The following VCAN variants were observed in gnomAD, a reference collection of about 807,000 sequenced individuals.
VCAN encodes versican.
A neutral mutation model predicts 245.5 loss-of-function variants in VCAN; 44 were observed. The observed-to-expected ratio is 0.18, with a 90% CI of 0.14 to 0.23. The LOEUF is 0.23. VCAN is among the 10% of genes least tolerant of loss of function. The pLI, the probability that VCAN is intolerant of heterozygous loss-of-function variation, is 1.00. For missense variants in VCAN, 3,793 were observed against 4,057.9 expected, an observed-to-expected ratio of 0.93 and a Z score of 1.77; for synonymous variants, 1,413 against 1,437.0, an observed-to-expected ratio of 0.98 and a Z score of 0.38.
At chr5:83,549,610 T>A (rs1368809626) in intron 10 of VCAN, among the ~76,000 whole-genome samples, 9 of 152,296 alleles carry the variant, frequency 5.9e-5, no homozygotes, top group Non-Finnish European at 1.3e-4. Context: ...GGCAACAGAT[T>A]TTTGGAAGGG....
At chr5:83,557,443 G>A (rs1240396429) in intron 12 of VCAN, among the ~76,000 whole-genome samples, 1 of 151,914 alleles carries the variant, frequency 6.6e-6, no homozygotes, top group Non-Finnish European at 1.5e-5. Context: ...CTTCATATTG[G>A]CCTATATCTG....
At position 83,553,436 on chromosome 5, in the gene VCAN, C is replaced by A. The variant is rs1279371377; in HGVS notation, c.9566C>A (p.Thr3189Lys). 2 of 1,613,974 alleles carry A rather than the reference C, an allele frequency of 1.2e-6. No individual in the cohort carries two copies. The highest frequency in any genetic ancestry group is 2.7e-5 in the African/African-American group (2 of 74,914). The change falls in exon 11 of 15, where the codon ACA becomes AAA. Residue 3189 changes from threonine to lysine, a missense_variant. Thr to Lys is a moderately conservative substitution (Grantham distance 78). Coordinates refer to ENST00000265077, the MANE Select transcript of VCAN (RefSeq NM_004385.5). ...TACAAATACTTTGCCCATCGACGCACATGGGATGCAGCTGAACGGGAATGC... is the reference window on the plus strand; with the variant it reads ...TACAAATACTTTGCCCATCGACGCAAATGGGATGCAGCTGAACGGGAATGC... ...QCYKYFAHRR[T>K]WDAAERECRL...
Position 83,538,810 on chromosome 5 carries a change from G to A in VCAN, c.5807G>A (p.Gly1936Asp). Residue 1936 changes from glycine (G) to aspartate (D), a missense_variant, in exon 8 of 15, where the codon GGT becomes GAT. Gly to Asp is a moderately conservative substitution (Grantham distance 94). Coordinates refer to ENST00000265077, the MANE Select transcript of VCAN (RefSeq NM_004385.5). ...TTTCCTTTGGAGGAAGATTTCAGTG[G>A]TGACTTTAGAGAATACTCAACAGTG... is the stretch of plus-strand genomic sequence containing the variant. ...TGFPLEEDFS[G>D]DFREYSTVSH... 6.2e-7 allele frequency: 1 copy of A among 1,613,922 alleles called. No homozygotes were observed. The highest frequency in any genetic ancestry group is 1.7e-5 in the Admixed American group (1 of 60,000).
rs745510517 is a variant in VCAN at position 83,521,652 on chromosome 5, A to T, written c.3346A>T (p.Thr1116Ser). ...PGAVTEHKVK[T>S]DEVVTLTPRI... ...TGCTGTAACTGAGCACAAAGTGAAA[A>T]CAGATGAAGTGGTAACACTAACACC... Residue 1116 changes from threonine (T) to serine (S), a missense_variant, in exon 7 of 15, where the codon ACA becomes TCA. By Grantham distance (58) the Thr-to-Ser change is moderately conservative. Coordinates refer to ENST00000265077, the MANE Select transcript of VCAN (RefSeq NM_004385.5). The T allele has an allele frequency of 6.2e-7, 1 of 1,613,896 alleles. No homozygotes were observed. The highest frequency in any genetic ancestry group is 1.7e-5 in the Admixed American group (1 of 60,018).
intron 11 of VCAN, among the ~76,000 whole-genome samples, chr5:83,554,341 C>T (rs754204486): frequency 6.6e-6 from 1 of 152,158 alleles, no homozygotes; most frequent in African/African-American, 2.4e-5. Context: ...AATATTTTCT[C>T]GTGATGCCTA....
intron 10 of VCAN, among the ~76,000 whole-genome samples, chr5:83,550,451 AAG>A (rs1393354892): frequency 6.6e-6 from 1 of 152,234 alleles, no homozygotes; most frequent in African/African-American, 2.4e-5. Flanking sequence ...AATAAATAAA[AAG>A]AGTTTCACAT....
chr5:83,500,212 G>A (rs367571345), intron 5 of VCAN, among the ~76,000 whole-genome samples: 33 of 152,238 alleles, frequency 2.2e-4, no homozygotes, highest in African/African-American at 7.2e-4. Context: ...CTATGATTCC[G>A]CCGATGGTTA....
intron 1 of VCAN, among the ~76,000 whole-genome samples, chr5:83,474,757 C>T (rs1388381315): frequency 6.6e-6 from 1 of 152,252 alleles, no homozygotes; most frequent in African/African-American, 2.4e-5. Context: ...AGCCGAGTGG[C>T]CTCGCCCCCA....
Position 83,521,304 on chromosome 5 carries a change from C to T in VCAN, c.2998C>T (p.Pro1000Ser), listed in dbSNP as rs373991125. ...VPSEDEVLGE[P>S]SQDILVIDQT... ...ATCAGAAGATGAAGTTCTAGGTGAA[C>T]CCTCTCAAGACATACTTGTCATTGA... The change falls in exon 7 of 15, where the codon CCC becomes TCC. Residue 1000 changes from proline (P) to serine (S), a missense_variant. Around this residue, in one of 5 missense-constraint regions of VCAN, gnomAD observed 3,182 missense variants for 3,250.3 expected, o/e 0.98. Transcript: ENST00000265077. 2.5e-6 allele frequency: 4 copies of T among 1,614,060 alleles called. No individual in the cohort carries two copies. The highest frequency in any genetic ancestry group is 2.7e-5 in the African/African-American group (2 of 75,056).
rs763239170 is a variant in VCAN at position 83,542,014 on chromosome 5, TTTC to T, written c.9019_9021del (p.Ser3007del). 2.5e-6 allele frequency: 4 copies of T among 1,610,394 alleles called. No homozygotes were observed. The highest frequency in any genetic ancestry group is 1.3e-5 in the African/African-American group (1 of 74,872). ...CCACAGACTTCTGAGAGGCCCACGC[TTTC>T]TTCTTCTCCAGAAATAAACCCTGAA... is the stretch of plus-strand genomic sequence containing the variant. On this transcript the variant is annotated inframe_deletion, in exon 8 of 15. Coordinates refer to ENST00000265077, the MANE Select transcript of VCAN (RefSeq NM_004385.5).
Position 83,538,433 on chromosome 5 carries a change from C to T in VCAN, c.5430C>T (p.Ser1810=), listed in dbSNP as rs942759287. The change falls in exon 8 of 15, where the codon AGC becomes AGT. Residue 1810 remains serine (S), a synonymous_variant. Coordinates refer to ENST00000265077, the MANE Select transcript of VCAN (RefSeq NM_004385.5). ...ENLGAQTTEH[S]SIHQPGVQEG... is the part of the protein sequence containing the mutation. ...TGGGGGCACAGACCACTGAGCACAGCAGTATCCATCAACCTGGGGTTCAGG... is the reference window on the plus strand; with the variant it reads ...TGGGGGCACAGACCACTGAGCACAGTAGTATCCATCAACCTGGGGTTCAGG... The T allele has an allele frequency of 4.3e-6, 7 of 1,613,896 alleles. No homozygotes were observed. The highest frequency in any genetic ancestry group is 1.7e-5 in the Admixed American group (1 of 59,966).
chr5:83,529,163 C>A (rs1400652026), intron 7 of VCAN, among the ~76,000 whole-genome samples: 1 of 150,936 alleles, frequency 6.6e-6, no homozygotes, highest in African/African-American at 2.4e-5. Flanking sequence ...TATTCTGAAC[C>A]AACATGGAGA....
chr5:83,517,197 T>A, intron 6 of VCAN, among the ~76,000 whole-genome samples: 1 of 152,158 alleles, frequency 6.6e-6, no homozygotes, highest in East Asian at 1.9e-4. Context: ...GTTATTTAGT[T>A]TTAAAAATAT....
chr5:83,512,035 A>G lies in VCAN; in HGVS notation c.749-68A>G, dbSNP rs1427017287. The G allele has an allele frequency of 3.7e-6, 6 of 1,600,016 alleles. No individual in the cohort carries two copies. The African/African-American group carries it at 5.4e-5, about 14-fold the overall frequency. ...ATGCTCCTCCAATTCCTTCCCCACC[A>G]TATTTATCCAACAGGAAAGGAATGA... On this transcript the variant is annotated intron_variant, in intron 5 of 14. Coordinates refer to ENST00000265077, the MANE Select transcript of VCAN (RefSeq NM_004385.5).
Position 83,520,387 on chromosome 5 carries a change from T to A in VCAN, c.2081T>A (p.Met694Lys), listed in dbSNP as rs781418554. The A allele has an allele frequency of 1.2e-6, 2 of 1,612,828 alleles. No individual in the cohort carries two copies. The highest frequency in any genetic ancestry group is 3.3e-5 in the Admixed American group (2 of 59,810). The change falls in exon 7 of 15, where the codon ATG becomes AAG. Residue 694 changes from methionine to lysine, a missense_variant. Around this residue, in one of 5 missense-constraint regions of VCAN, gnomAD observed 3,182 missense variants for 3,250.3 expected, o/e 0.98. Transcript: ENST00000265077. Reference protein sequence around the residue: ...RERTETLIPEMRTDTYTDEIQ... With the variant: ...RERTETLIPEKRTDTYTDEIQ... ...AGAACAGAAACACTAATACCAGAGA[T>A]GAGAACAGATACTTATACAGATGAA...
Position 83,539,577 on chromosome 5 carries a change from T to C in VCAN, c.6574T>C (p.Ser2192Pro). 6.2e-7 allele frequency: 1 copy of C among 1,614,100 alleles called. No homozygotes were observed. Among genetic ancestry groups the C allele is most frequent in the Non-Finnish European group, 8.5e-7 (1 of 1,179,994 alleles). The change falls in exon 8 of 15, where the codon TCT becomes CCT. Residue 2192 changes from serine to proline, a missense_variant. Ser to Pro is a moderately conservative substitution (Grantham distance 74). Around this residue, in one of 5 missense-constraint regions of VCAN, gnomAD observed 3,182 missense variants for 3,250.3 expected, o/e 0.98. Coordinates refer to ENST00000265077, the MANE Select transcript of VCAN (RefSeq NM_004385.5). ...TPDPDANGLESYTTLPEATEK... is the reference protein window; with the variant it reads ...TPDPDANGLEPYTTLPEATEK... Reference sequence around the variant, plus strand: ...AGATCCAGATGCAAATGGCTTGGAATCTTACACAACTCTCCCTGAAGCTAC... The same window carrying C: ...AGATCCAGATGCAAATGGCTTGGAACCTTACACAACTCTCCCTGAAGCTAC...
intron 12 of VCAN, among the ~76,000 whole-genome samples, chr5:83,567,901 C>G (rs1199701763): frequency 1.3e-5 from 2 of 152,148 alleles, no homozygotes. Context: ...CAAGATAGAT[C>G]GCTCAGGATG....
Position 83,493,736 on chromosome 5 carries a change from G to A in VCAN, c.620+16G>A, listed in dbSNP as rs1342654183. 2.5e-6 allele frequency: 4 copies of A among 1,613,970 alleles called. No homozygotes were observed. The highest frequency in any genetic ancestry group is 3.3e-5 in the Admixed American group (2 of 59,998). On this transcript the variant is annotated intron_variant, in intron 4 of 14. Coordinates refer to ENST00000265077, the MANE Select transcript of VCAN (RefSeq NM_004385.5). ...AGACTGTCAGGTAAGAGGTCTGGGG[G>A]CCACAGGCTTCATTATTAACTTGAG...
At chr5:83,503,018 A>C (rs1488595696) in intron 5 of VCAN, among the ~76,000 whole-genome samples, 4 of 152,192 alleles carry the variant, frequency 2.6e-5, no homozygotes, top group Non-Finnish European at 4.4e-5. Context: ...GTGCAGGTTA[A>C]ATAATCAAAT....
Sources: allele counts gnomAD v4.1 joint callset (sites outside exome capture counted in the v4.1 genomes callset), GRCh38; gene constraint gnomAD v4.1.1; regional missense constraint gnomAD v4.1.1; transcripts MANE v1.5; gene names NCBI Gene and HGNC (gene_info 2026-07-23, HGNC 2026-07-21).